Variants in PCNX1 observed in about 807,000 individuals in gnomAD.
The protein encoded by PCNX1 is pecanex 1, also known as pecanex-like protein 1.
A neutral mutation model predicts 242.2 loss-of-function variants in PCNX1; 78 were observed. The ratio of observed to expected loss-of-function variants is 0.32; its 90% CI spans 0.27 to 0.39. The LOEUF is 0.39. Ranked by LOEUF, PCNX1 falls within the 10% of genes least tolerant of loss-of-function variation. PCNX1 has a pLI of 1.00. For synonymous variants in PCNX1, 1,024 were observed against 1,032.9 expected, an observed-to-expected ratio of 0.99 and a Z score of 0.17; for missense variants, 2,581 against 2,856.5, an observed-to-expected ratio of 0.90 and a Z score of 2.20.
chr14:71,099,315 C>T (rs1006664140), intron 30 of PCNX1, among the ~76,000 whole-genome samples: 13 of 151,900 alleles, frequency 8.6e-5, no homozygotes, highest in African/African-American at 2.9e-4. Flanking sequence ...CCCGCCACCA[C>T]GTCTGGCTAA....
intron 2 of PCNX1, among the ~76,000 whole-genome samples, chr14:70,954,632 C>A (rs1721713467): frequency 1.3e-5 from 2 of 152,052 alleles, no homozygotes; most frequent in African/African-American, 4.8e-5. Context: ...GTTTTTCCCC[C>A]TAAAATGTCG....
At chr14:71,051,802 G>A (rs902012846) in intron 23 of PCNX1, 81 bp from the exon 24 acceptor site, 42 of 1,358,788 alleles carry the variant, frequency 3.1e-5, no homozygotes, top group Non-Finnish European at 4.2e-5. Flanking sequence ...TAATCTAAAT[G>A]TGTCTGCTAG....
chr14:70,987,597 C>A (rs1370602081), intron 6 of PCNX1, among the ~76,000 whole-genome samples: 1 of 152,148 alleles, frequency 6.6e-6, no homozygotes, highest in East Asian at 1.9e-4. Context: ...CATCAAAATG[C>A]CCTTTCTCAA....
intron 33 of PCNX1, among the ~76,000 whole-genome samples, chr14:71,107,624 G>C (rs1328183705): frequency 2.0e-5 from 3 of 152,116 alleles, no homozygotes; most frequent in African/African-American, 7.2e-5. Context: ...ACTTGAAAAA[G>C]GATGCAGAAG....
intron 1 of PCNX1, among the ~76,000 whole-genome samples, chr14:70,908,910 G>C (rs951035853): frequency 6.6e-6 from 1 of 152,228 alleles, no homozygotes; most frequent in Non-Finnish European, 1.5e-5. Flanking sequence ...GCACAGGTTA[G>C]GGTGGGGCGT....
At chr14:71,072,382 T>C (rs1225577224) in intron 26 of PCNX1, among the ~76,000 whole-genome samples, 2 of 152,208 alleles carry the variant, frequency 1.3e-5, no homozygotes, top group Admixed American at 1.3e-4. Context: ...TATGTAACAT[T>C]ATTATGGAAG....
intron 1 of PCNX1, among the ~76,000 whole-genome samples, chr14:70,935,957 A>AT (rs919385190): frequency 1.3e-5 from 2 of 152,096 alleles, no homozygotes; most frequent in African/African-American, 4.8e-5. Context: ...GTGTCACACA[A>AT]TTTTTTTAAA....
At chr14:70,954,644 A>G (rs190610662) in intron 2 of PCNX1, among the ~76,000 whole-genome samples, 1 of 152,258 alleles carries the variant, frequency 6.6e-6, no homozygotes, top group Admixed American at 6.5e-5. Flanking sequence ...AAAATGTCGC[A>G]GTTTATTTTG....
intron 8 of PCNX1, among the ~76,000 whole-genome samples, chr14:71,000,778 G>T (rs890535496): frequency 4.6e-5 from 7 of 151,854 alleles, no homozygotes; most frequent in Non-Finnish European, 8.8e-5. Context: ...CACCCACCTC[G>T]GCCTCCCAAA....
intron 3 of PCNX1, among the ~76,000 whole-genome samples, chr14:70,967,980 A>G (rs997986696): frequency 3.3e-5 from 5 of 152,146 alleles, no homozygotes; most frequent in African/African-American, 7.2e-5. Flanking sequence ...GGGATTGGGT[A>G]GCTCCACATA....
At chr14:70,956,558 C>T (rs78048908) in intron 2 of PCNX1, among the ~76,000 whole-genome samples, 8 of 151,740 alleles carry the variant, frequency 5.3e-5, no homozygotes, top group African/African-American at 1.9e-4. Flanking sequence ...GACCCTGTCT[C>T]TTAAAAAAAC....
Position 71,110,484 on chromosome 14 carries a change from A to T in PCNX1, c.*549A>T, listed in dbSNP as rs2062734444. 6.5e-6 allele frequency: 1 copy of T among 153,094 alleles called. No individual in the cohort carries two copies. Among genetic ancestry groups the T allele is most frequent in the South Asian group, 2.1e-4 (1 of 4,858 alleles). The allele number at this position is 153,094 out of a possible 1,614,324, so 9.5% of individuals were successfully genotyped here. On this transcript the variant is annotated 3_prime_UTR_variant, in exon 36 of 36. Transcript: ENST00000304743. ...TGAGCGCTAAAAACTTTAATAAAAA[A>T]AACTGCACTAATTTTTTACAGCAAT... is the stretch of plus-strand genomic sequence containing the variant.
In PCNX1 at chr14:70,977,953, A is replaced by C; in HGVS notation, c.1616A>C (p.Glu539Ala). Residue 539 changes from glutamate to alanine, a missense_variant, in exon 6 of 36, where the codon GAA (glutamate) becomes GCA (alanine). Physicochemically the swap from Glu to Ala is moderately radical, Grantham distance 107. Coordinates refer to ENST00000304743, the MANE Select transcript of PCNX1 (RefSeq NM_014982.3). Reference protein sequence around the residue: ...VRKDVGGKQKEGDVRPKSSSV... With the variant: ...VRKDVGGKQKAGDVRPKSSSV... The stretch of plus-strand genomic sequence containing the variant: ...AAAGATGTTGGTGGAAAGCAAAAGG[A>C]AGGGGATGTTCGACCTAAATCTTCT... 2 of 1,614,120 alleles carry C rather than the reference A, an allele frequency of 1.2e-6. 1 individual carries two copies.
intron 6 of PCNX1, among the ~76,000 whole-genome samples, chr14:70,983,549 C>T (rs1433664512): frequency 1.3e-5 from 2 of 152,124 alleles, no homozygotes; most frequent in African/African-American, 2.4e-5. Context: ...GTGATCCGCC[C>T]ACCTCGGCCT....
intron 18 of PCNX1, among the ~76,000 whole-genome samples, 157 bp from the exon 19 acceptor site, chr14:71,035,908 T>A (rs1158668009): frequency 6.6e-6 from 1 of 152,098 alleles, no homozygotes; most frequent in Non-Finnish European, 1.5e-5. Flanking sequence ...TCTAGAAGTG[T>A]TAAAGTATCA....
Position 70,946,944 on chromosome 14 carries a change from A to G in PCNX1, c.183A>G (p.Ala61=), listed in dbSNP as rs779902546. ...TTCCTTCTACCATGATTATAGTAGC[A>G]GTTTATTGTCCTGTGATAGCTGCTG... The part of the protein sequence containing the change: ...MALPSTMIIV[A]VYCPVIAAVF... Residue 61 remains alanine, a synonymous_variant, in exon 2 of 36, where the codon GCA becomes GCG. Coordinates refer to ENST00000304743, the MANE Select transcript of PCNX1 (RefSeq NM_014982.3). The G allele has an allele frequency of 1.2e-6, 2 of 1,613,108 alleles. No individual in the cohort carries two copies. The highest frequency in any genetic ancestry group is 3.3e-5 in the Admixed American group (2 of 60,008).
chr14:71,022,399 A>T (rs942319420), intron 12 of PCNX1, among the ~76,000 whole-genome samples: 4 of 152,174 alleles, frequency 2.6e-5, no homozygotes, highest in Non-Finnish European at 5.9e-5. Flanking sequence ...ATAAACAGGG[A>T]TAAGAAAGAC....
At chr14:71,004,550 C>T (rs1434162294) in intron 8 of PCNX1, among the ~76,000 whole-genome samples, 4 of 152,192 alleles carry the variant, frequency 2.6e-5, no homozygotes, top group Non-Finnish European at 4.4e-5. Flanking sequence ...ATCCTGAAAC[C>T]GTCCTCCAAT....
chr14:70,958,898 C>T (rs200937908), intron 2 of PCNX1, among the ~76,000 whole-genome samples: 326 of 66,264 alleles, frequency 4.9e-3, no homozygotes, highest in Middle Eastern at 0.014. Flanking sequence ...TTTGGGGTTG[C>T]TTTTTTTTTT....
Sources: allele counts gnomAD v4.1 joint callset (sites outside exome capture counted in the v4.1 genomes callset), GRCh38; gene constraint gnomAD v4.1.1; transcripts MANE v1.5; gene names NCBI Gene and HGNC (gene_info 2026-07-23, HGNC 2026-07-21).